The following KCTD17 variants were observed in gnomAD, a reference collection of about 807,000 sequenced individuals.
KCTD17 encodes the protein BTB/POZ domain-containing protein KCTD17.
A neutral mutation model predicts 41.5 loss-of-function variants in KCTD17; 20 were observed. The observed-to-expected ratio is 0.48, with a 90% CI of 0.34 to 0.70. The LOEUF (loss-of-function observed/expected upper bound fraction) is 0.70, where lower values mean the gene tolerates loss of function less well. KCTD17 is among the 30% of genes least tolerant of loss of function. The probability of loss-of-function intolerance (pLI) is 0.01; values close to 1 mark genes in which losing one functional copy is unlikely to be tolerated. For missense variants in KCTD17, 317 were observed against 427.2 expected (o/e 0.74, Z 2.27); for synonymous variants, 156 against 173.8 (o/e 0.90, Z 0.80).
At chr22:37,054,999 G>T (rs954323285) in intron 2 of KCTD17, 3 of 152,230 alleles carry the variant, frequency 2.0e-5, no homozygotes, top group African/African-American at 7.2e-5. Flanking sequence ...CGAGATCGGG[G>T]CACTGTGGCA....
intron 3 of KCTD17, 80 bp downstream of exon 3, chr22:37,056,491 A>G: frequency 8.1e-7 from 1 of 1,233,592 alleles, no homozygotes; most frequent in Non-Finnish European, 1.2e-6. Context: ...CGGGAAGCAG[A>G]GGAGGTTGGG....
intron 5 of KCTD17, 107 bp from the exon 6 acceptor site, chr22:37,060,715 TC>T (rs2145993575): frequency 7.1e-7 from 1 of 1,398,954 alleles, no homozygotes; most frequent in Admixed American, 3.0e-5. Flanking sequence ...TCTCCTGAGG[TC>T]CCTTTCACCT....
In KCTD17 at chr22:37,053,465, G is replaced by T. The variant is rs1924731909; in HGVS notation, c.298+257G>T. ...CATGTGCAGGGGATAGAGGAAGTCA[G>T]CGAGGCCCTGTGGCCTCTGCTGTGG... On this transcript the variant is annotated intron_variant, in intron 2 of 8. Coordinates refer to ENST00000403888, the MANE Select transcript of KCTD17 (RefSeq NM_001282684.2). This position sits in a 1 kb window ranked among gnomAD's most constrained non-coding sequence, Gnocchi z 4.1. Among the ~76,000 whole-genome samples, 1 of 152,248 alleles carries T rather than the reference G, an allele frequency of 6.6e-6. No individual in the cohort carries two copies. Among genetic ancestry groups the T allele is most frequent in the Admixed American group, 6.5e-5 (1 of 15,292 alleles).
chr22:37,056,468 C>T (rs1925128429), intron 3 of KCTD17, 57 bp downstream of exon 3: 2 of 1,424,372 alleles, frequency 1.4e-6, no homozygotes, highest in Non-Finnish European at 2.0e-6. Context: ...GAGAGAGAGG[C>T]TGAGAGACGG....
At chr22:37,062,397 CCT>C (rs367800128) in intron 8 of KCTD17, 126 bp from the exon 9 acceptor site, 1,074 of 1,352,774 alleles carry the variant, frequency 7.9e-4, no homozygotes, top group South Asian at 1.5e-3. Context: ...GACTCAACTG[CCT>C]CTCTCTCTCT....
chr22:37,053,302 C>A lies in KCTD17; in HGVS notation c.298+94C>A. The stretch of plus-strand genomic sequence containing the variant: ...CCATTTGGACAACCAGGACGGCCAT[C>A]TGCCTGCTTGGTTGTTTCCTGCCTC... On this transcript the variant is annotated intron_variant, in intron 2 of 8. Coordinates refer to ENST00000403888, the MANE Select transcript of KCTD17 (RefSeq NM_001282684.2). This position sits in a 1 kb window ranked among gnomAD's most constrained non-coding sequence, Gnocchi z 4.1. 3.2e-6 allele frequency: 3 copies of A among 935,428 alleles called. No homozygotes were observed. The highest frequency in any genetic ancestry group is 2.7e-5 in the East Asian group (1 of 37,612). The allele number at this position is 935,428 out of a possible 1,614,324, so 57.9% of individuals were successfully genotyped here. A position where few individuals can be genotyped will look rare whatever the true frequency, so the allele number is the denominator to read the frequency against.
In KCTD17 at chr22:37,061,359, G is replaced by A. The variant is rs1052125378; in HGVS notation, c.785-180G>A. On this transcript the variant is annotated intron_variant, in intron 7 of 8. Transcript: ENST00000403888. The surrounding 1 kb of genome is among the most constrained non-coding windows in gnomAD (Gnocchi z 6.6). ...CTGGCCCTGCATCCCAGAGCGTCCT[G>A]CCTGCCGCCTCCTGCGCCCCTTCTG... 2 of 1,476,896 alleles carry A rather than the reference G, an allele frequency of 1.4e-6. No individual in the cohort carries two copies. The highest frequency in any genetic ancestry group is 2.8e-5 in the African/African-American group (2 of 71,634). The allele number at this position is 1,476,896 out of a possible 1,614,324, so 91.5% of individuals were successfully genotyped here.
chr22:37,059,530 T>A, intron 5 of KCTD17, 92 bp downstream of exon 5: 1 of 1,402,692 alleles, frequency 7.1e-7, no homozygotes, highest in African/African-American at 1.4e-5. Flanking sequence ...GCACCATCCC[T>A]CCACCTCTCT....
At position 37,061,418 on chromosome 22, in the gene KCTD17, C is replaced by T. The variant is rs184785910; in HGVS notation, c.785-121C>T. 6.6e-4 allele frequency: 977 copies of T among 1,476,936 alleles called. 7 individuals carry two copies. The highest frequency in any genetic ancestry group is 4.8e-3 in the South Asian group (352 of 73,994). The allele number at this position is 1,476,936 out of a possible 1,614,324, so 91.5% of individuals were successfully genotyped here. A position where few individuals can be genotyped will look rare whatever the true frequency, so the allele number is the denominator to read the frequency against. ...TGCCTCCCAGCCTGGGGAGGAGGGGCGCAGCTGCACCTCCTCTGTGCCCAC... is the reference window on the plus strand; with the variant it reads ...TGCCTCCCAGCCTGGGGAGGAGGGGTGCAGCTGCACCTCCTCTGTGCCCAC... On this transcript the variant is annotated intron_variant, in intron 7 of 8. Transcript: ENST00000403888. The surrounding 1 kb of genome is among the most constrained non-coding windows in gnomAD (Gnocchi z 6.6).
In KCTD17 at chr22:37,059,408, G is replaced by C. The variant is rs575891732; in HGVS notation, c.582G>C (p.Gly194=). ...AGGAGCTCCACAGCACCCCAAACGGGCTGAGCTCAGAGTCCAGCCGCAAAA... is the reference window on the plus strand; with the variant it reads ...AGGAGCTCCACAGCACCCCAAACGGCCTGAGCTCAGAGTCCAGCCGCAAAA... ...VSKELHSTPN[G]LSSESSRKTK... Residue 194 remains glycine (G), a synonymous_variant, in exon 5 of 9, where the codon GGG becomes GGC. Transcript: ENST00000403888. The C allele has an allele frequency of 2.5e-6, 4 of 1,611,676 alleles. No homozygotes were observed. The South Asian group carries it at 3.3e-5, about 13-fold the overall frequency.
rs1924775189 is a variant in KCTD17 at position 37,053,751 on chromosome 22, G to C, written c.298+543G>C. 6.6e-6 allele frequency among the ~76,000 whole-genome samples: 1 copy of C among 152,180 alleles called. No homozygotes were observed. Among genetic ancestry groups the C allele is most frequent in the Admixed American group, 6.5e-5 (1 of 15,286 alleles). On this transcript the variant is annotated intron_variant, in intron 2 of 8. Transcript: ENST00000403888. The surrounding 1 kb of genome is among the most constrained non-coding windows in gnomAD (Gnocchi z 4.1). ...AGGAGAGGGGGGAGTCTGCTTCCCAGTGGGGCTTTGGTTATCCCCAGGCCT... is the reference window on the plus strand; with the variant it reads ...AGGAGAGGGGGGAGTCTGCTTCCCACTGGGGCTTTGGTTATCCCCAGGCCT...
rs534746000 is a variant in KCTD17, at chr22:37,054,380, G to A, written c.298+1172G>A. Among the ~76,000 whole-genome samples, 4 of 152,258 alleles carry A rather than the reference G, an allele frequency of 2.6e-5. No homozygotes were observed. In the East Asian group the frequency reaches 7.7e-4, roughly 29 times the overall value. ...GTCAGACAGCGCTGTCTGGGGGCTA[G>A]AGGATCAGACAGGGTTATCTGGGGG... is the stretch of plus-strand genomic sequence containing the variant. On this transcript the variant is annotated intron_variant, in intron 2 of 8. Coordinates refer to ENST00000403888, the MANE Select transcript of KCTD17 (RefSeq NM_001282684.2).
chr22:37,062,558 C>T lies in KCTD17; in HGVS notation c.909C>T (p.Ala303=). The T allele has an allele frequency of 6.2e-7, 1 of 1,613,472 alleles. No homozygotes were observed. Among genetic ancestry groups the T allele is most frequent in the East Asian group, 2.2e-5 (1 of 44,864 alleles). ...AGCCAGAGGCACCCGGATGTGAGGC[C>T]CCAGATCACCTCCAGGGACTTGGGG... The part of the protein sequence containing the change: ...CYKPEAPGCE[A]PDHLQGLGVP... The change falls in exon 9 of 9, where the codon GCC becomes GCT. Residue 303 remains alanine (A), a synonymous_variant. Transcript: ENST00000403888.
In KCTD17 at chr22:37,057,411, A is replaced by C; in HGVS notation, c.404A>C (p.His135Pro). 1 of 1,613,750 alleles carries C rather than the reference A, an allele frequency of 6.2e-7. No individual in the cohort carries two copies. The highest frequency in any genetic ancestry group is 8.5e-7 in the Non-Finnish European group (1 of 1,179,804). ...TTCTGCCCACAGGTCCCACCCAAGC[A>C]CGTGTACCGCGTGCTGCAGTGCCAG... ...DYTVTQVPPK[H>P]VYRVLQCQEE... Residue 135 changes from histidine (H) to proline (P), a missense_variant, in exon 4 of 9, where the codon CAC (histidine) becomes CCC (proline). Transcript: ENST00000403888.
At chr22:37,062,372 C>T (rs1190449404) in intron 8 of KCTD17, 153 bp from the exon 9 acceptor site, 3 of 984,832 alleles carry the variant, frequency 3.0e-6, no homozygotes, top group Admixed American at 6.2e-5. Flanking sequence ...CCCCCTCCTC[C>T]AGAAGGAAGC....
chr22:37,056,189 C>T (rs1925084309), intron 2 of KCTD17, 131 bp from the exon 3 acceptor site: 2 of 663,620 alleles, frequency 3.0e-6, no homozygotes, highest in South Asian at 2.0e-5. Context: ...GACCCCTGAA[C>T]TCACAGACAC....
rs1379620547 is a variant in KCTD17, at chr22:37,053,556, G to A, written c.298+348G>A. On this transcript the variant is annotated intron_variant, in intron 2 of 8. Transcript: ENST00000403888. The surrounding 1 kb of genome is among the most constrained non-coding windows in gnomAD (Gnocchi z 4.1). ...TGTGGACGGTCACATCCGGAGGCTG[G>A]GGTGACAGGAATGCAGTGTTGACAG... Among the ~76,000 whole-genome samples the A allele has an allele frequency of 6.6e-6, 1 of 152,212 alleles. No individual in the cohort carries two copies. Among genetic ancestry groups the A allele is most frequent in the Non-Finnish European group, 1.5e-5 (1 of 68,024 alleles).
rs1255090640 is a variant in KCTD17 at position 37,056,309 on chromosome 22, G to A, written c.299-11G>A. 6.2e-7 allele frequency: 1 copy of A among 1,611,844 alleles called. No individual in the cohort carries two copies. The highest frequency in any genetic ancestry group is 1.7e-5 in the Admixed American group (1 of 59,802). On this transcript the variant is annotated splice_polypyrimidine_tract_variant and intron_variant, in intron 2 of 8. Coordinates refer to ENST00000403888, the MANE Select transcript of KCTD17 (RefSeq NM_001282684.2). ...GAAGGAGTGACCTGGGATCTGTTCTGTCTGTGCCAGGGGTCCTGGAGGAAG... is the reference window on the plus strand; with the variant it reads ...GAAGGAGTGACCTGGGATCTGTTCTATCTGTGCCAGGGGTCCTGGAGGAAG...
chr22:37,061,652 A>G lies in KCTD17; in HGVS notation c.875+23A>G. 1 of 1,583,466 alleles carries G rather than the reference A, an allele frequency of 6.3e-7. No individual in the cohort carries two copies. Among genetic ancestry groups the G allele is most frequent in the Non-Finnish European group, 8.5e-7 (1 of 1,171,872 alleles). On this transcript the variant is annotated intron_variant, in intron 8 of 8. Transcript: ENST00000403888. This position sits in a 1 kb window ranked among gnomAD's most constrained non-coding sequence, Gnocchi z 6.6. ...CTGGTTTGTAGCTTGGCGGTGCTGG[A>G]GGGAGGGGTGGAGCGAGGAGGGTGC... is the stretch of plus-strand genomic sequence containing the variant.
Sources: allele counts gnomAD v4.1 joint callset (sites outside exome capture counted in the v4.1 genomes callset), GRCh38; gene constraint gnomAD v4.1.1; non-coding constraint Gnocchi (gnomAD v3.1); transcripts MANE v1.5; gene names NCBI Gene and HGNC (gene_info 2026-07-23, HGNC 2026-07-21).